Variants in ABCA3 observed in about 807,000 individuals in gnomAD.
The protein encoded by ABCA3 is ATP binding cassette subfamily A member 3.
In ABCA3, 88 loss-of-function variants were observed where a neutral mutation model predicts 172.8. The observed-to-expected ratio is 0.51, with a 90% confidence interval of 0.43 to 0.61. The LOEUF (loss-of-function observed/expected upper bound fraction) is 0.61, where lower values mean the gene tolerates loss of function less well. ABCA3 is among the 20% of genes least tolerant of loss of function. The pLI is 0.00. For missense variants in ABCA3, 2,164 were observed against 2,301.0 expected, an observed-to-expected ratio of 0.94 and a Z score of 1.22; for synonymous variants, 1,066 against 983.8, an observed-to-expected ratio of 1.08 and a Z score of -1.56.
At chr16:2,301,744 A>G (rs2093689824) in intron 12 of ABCA3, among the ~76,000 whole-genome samples, 1 of 151,960 alleles carries the variant, frequency 6.6e-6, no homozygotes, top group African/African-American at 2.4e-5. Flanking sequence ...GACCTTAACT[A>G]GCCATCGGTA....
intron 14 of ABCA3, among the ~76,000 whole-genome samples, chr16:2,299,041 G>C (rs1427354834): frequency 1.3e-5 from 2 of 148,640 alleles, no homozygotes; most frequent in Non-Finnish European, 3.0e-5. Context: ...GGGTCCCTGG[G>C]GGTCCCCCTG....
At chr16:2,300,618 C>G (rs543035421) in intron 12 of ABCA3, among the ~76,000 whole-genome samples, 1 of 152,354 alleles carries the variant, frequency 6.6e-6, no homozygotes, top group East Asian at 1.9e-4. Flanking sequence ...GAGGAAGCCT[C>G]TTCCCATCTT....
intron 12 of ABCA3, among the ~76,000 whole-genome samples, chr16:2,301,688 C>A (rs987046817): frequency 2.0e-5 from 3 of 147,020 alleles, no homozygotes; most frequent in Non-Finnish European, 4.5e-5. Flanking sequence ...CCAGCCTGGG[C>A]AACAGAGCTA....
chr16:2,329,013 G>A (rs1596868768), intron 2 of ABCA3, among the ~76,000 whole-genome samples: 2 of 140,086 alleles, frequency 1.4e-5, no homozygotes, highest in East Asian at 4.1e-4. Flanking sequence ...TTTTTTTTAA[G>A]ATGTGGCTGT....
In ABCA3 at chr16:2,298,554, G is replaced by C; in HGVS notation, c.1742-14C>G. On this transcript the variant is annotated splice_polypyrimidine_tract_variant and intron_variant, in intron 14 of 32. Transcript: ENST00000301732. Reference sequence around the variant, plus strand: ...GGGGAAAGAGACCTGGGGCCCAGCAGGAGACCCCACATTCAGCATGAAGAT... The same window carrying C: ...GGGGAAAGAGACCTGGGGCCCAGCACGAGACCCCACATTCAGCATGAAGAT... 1 of 1,612,322 alleles carries C rather than the reference G, an allele frequency of 6.2e-7. No homozygotes were observed. The highest frequency in any genetic ancestry group is 8.5e-7 in the Non-Finnish European group (1 of 1,179,954).
chr16:2,299,480 T>C lies in ABCA3; in HGVS notation c.1664A>G (p.Asn555Ser), dbSNP rs147010047. The stretch of plus-strand genomic sequence containing the variant: ...GACGGTGATCTGTCCCTCGTACAGG[T>C]TGAGGTTCAGGTCTCTGACGGCCGC... ...DRAAVRDLNL[N>S]LYEGQITVLL... Residue 555 changes from asparagine to serine, a missense_variant, in exon 14 of 33, where the codon AAC (asparagine) becomes AGC (serine). By Grantham distance (46) the Asn-to-Ser change is conservative (BLOSUM62 1). This residue lies in a region of ABCA3 where 1,343 missense variants were observed against 1,369.6 expected (regional missense o/e 0.98). Coordinates refer to ENST00000301732, the MANE Select transcript of ABCA3 (RefSeq NM_001089.3). 6.7e-5 allele frequency: 108 copies of C among 1,613,692 alleles called. No individual in the cohort carries two copies. In the African/African-American group the frequency reaches 1.3e-3, roughly 20 times the overall value.
intron 18 of ABCA3, 72 bp from the exon 19 acceptor site, chr16:2,292,310 C>G: frequency 7.5e-7 from 1 of 1,339,824 alleles, no homozygotes. Flanking sequence ...AAAGCATCAC[C>G]CCCCCTCGGC....
At chr16:2,305,695 G>A (rs967151824) in intron 11 of ABCA3, among the ~76,000 whole-genome samples, 12 of 152,164 alleles carry the variant, frequency 7.9e-5, no homozygotes, top group African/African-American at 2.9e-4. Context: ...AAAGTGCTGG[G>A]ATTACAGGTG....
intron 1 of ABCA3, chr16:2,339,233 T>A (rs1274354570): frequency 6.6e-6 from 1 of 152,206 alleles, no homozygotes; most frequent in East Asian, 1.9e-4. Flanking sequence ...TGGGCTCCCA[T>A]GAGACTGCCT....
At chr16:2,298,326 C>A (rs2093683390) in intron 15 of ABCA3, 60 bp downstream of exon 15, 30 of 1,608,816 alleles carry the variant, frequency 1.9e-5, no homozygotes, top group Non-Finnish European at 2.6e-5. Flanking sequence ...CGGAAGACTG[C>A]CCCAGAAACT....
At chr16:2,308,301 A>T (rs1712022247) in intron 11 of ABCA3, 149 bp downstream of exon 11, 5 of 952,142 alleles carry the variant, frequency 5.3e-6, no homozygotes, top group Non-Finnish European at 8.1e-6. Context: ...GCCCACACTC[A>T]GCGCTGTATG....
chr16:2,286,620 G>A lies in ABCA3; in HGVS notation c.3278+74C>T, dbSNP rs2093663569. ...GGCAGACACAATGCTCTATCTATGG[G>A]CCCGTGGCAGTGCCCAGGGCAGTCA... On this transcript the variant is annotated intron_variant, in intron 22 of 32. Transcript: ENST00000301732. The surrounding 1 kb of genome is among the most constrained non-coding windows in gnomAD (Gnocchi z 5.2). 6.3e-7 allele frequency: 1 copy of A among 1,586,602 alleles called. No individual in the cohort carries two copies. The highest frequency in any genetic ancestry group is 8.6e-7 in the Non-Finnish European group (1 of 1,162,800).
At chr16:2,306,436 C>T (rs1468764290) in intron 11 of ABCA3, among the ~76,000 whole-genome samples, 3 of 152,194 alleles carry the variant, frequency 2.0e-5, no homozygotes, top group Admixed American at 6.5e-5. Flanking sequence ...AAGACACTGC[C>T]GACTGTAGAG....
intron 7 of ABCA3, chr16:2,323,214 A>C: frequency 2.1e-6 from 1 of 468,942 alleles, no homozygotes; most frequent in Non-Finnish European, 3.9e-6. Context: ...GTGGGACTGT[A>C]AACTAGTTCA....
intron 19 of ABCA3, 53 bp from the exon 20 acceptor site, chr16:2,289,673 A>T: frequency 6.5e-7 from 1 of 1,534,302 alleles, no homozygotes; most frequent in Non-Finnish European, 8.8e-7. Flanking sequence ...GGGTGGGTGG[A>T]GGGAGGGACT....
intron 3 of ABCA3, among the ~76,000 whole-genome samples, chr16:2,327,038 C>T (rs1319903433): frequency 1.3e-5 from 2 of 152,112 alleles, no homozygotes; most frequent in African/African-American, 2.4e-5. Context: ...TTTTTGGAGC[C>T]CAACTTGTTC....
chr16:2,324,792 G>A (rs990930585), intron 5 of ABCA3, among the ~76,000 whole-genome samples: 1 of 152,120 alleles, frequency 6.6e-6, no homozygotes, highest in African/African-American at 2.4e-5. Flanking sequence ...TCCGGGTAGC[G>A]CCTGCAGCAA....
In ABCA3 at chr16:2,278,048, C is replaced by A; in HGVS notation, c.4740G>T (p.Leu1580=). ...TSHSMEECEA[L]CTRLAIMVQG... is the part of the protein sequence containing the mutation. ...GCACCATGATGGCCAGCCGGGTGCA[C>A]AGGGCCTCACACTCCTCCATGCTGT... The change falls in exon 31 of 33, where the codon CTG becomes CTT. Residue 1580 remains leucine, a synonymous_variant. Coordinates refer to ENST00000301732, the MANE Select transcript of ABCA3 (RefSeq NM_001089.3). The surrounding 1 kb of genome is among the most constrained non-coding windows in gnomAD (Gnocchi z 4.4). 1.2e-6 allele frequency: 2 copies of A among 1,613,442 alleles called. No individual in the cohort carries two copies. The highest frequency in any genetic ancestry group is 1.7e-6 in the Non-Finnish European group (2 of 1,180,010).
intron 1 of ABCA3, among the ~76,000 whole-genome samples, chr16:2,336,345 G>A (rs1230779081): frequency 6.6e-6 from 1 of 152,074 alleles, no homozygotes; most frequent in African/African-American, 2.4e-5. Flanking sequence ...CAAGTACCCT[G>A]CCTCGTAAGC....
Sources: gnomAD v4.1 joint callset for allele counts (sites outside exome capture counted in the v4.1 genomes callset) on GRCh38, gnomAD v4.1.1 for gene constraint, gnomAD v4.1.1 regional missense constraint, Gnocchi (gnomAD v3.1) non-coding constraint, MANE v1.5 for transcripts, NCBI Gene and HGNC (gene_info 2026-07-23, HGNC 2026-07-21) for gene names.